Variants in ACSF3 observed in about 807,000 individuals in gnomAD.
The protein encoded by ACSF3 is acyl-CoA synthetase family member 3, also known as malonate--CoA ligase ACSF3, mitochondrial.
In ACSF3, 78 loss-of-function variants were observed where a neutral mutation model predicts 53.2. The ratio of observed to expected loss-of-function variants is 1.47; its 90% CI spans 1.22 to 1.77. The LOEUF is 1.77. Ranked by LOEUF, ACSF3 falls within the 40% of genes most tolerant of loss-of-function variation. ACSF3 has a pLI of 0.00. For synonymous variants in ACSF3, 414 were observed against 333.1 expected (o/e 1.24, Z -2.65); for missense variants, 937 against 771.1 (o/e 1.22, Z -2.55).
intron 6 of ACSF3, chr16:89,115,133 A>G (rs528987991): frequency 5.4e-6 from 1 of 186,514 alleles, no homozygotes; most frequent in South Asian, 9.9e-5. Context: ...CAGTCTGTCT[A>G]GAGTAGAAGA....
At chr16:89,118,710 G>A (rs1293558421) in intron 6 of ACSF3, among the ~76,000 whole-genome samples, 1 of 152,206 alleles carries the variant, frequency 6.6e-6, no homozygotes, top group East Asian at 1.9e-4. Context: ...GCTCAGAGGT[G>A]CTCACGGCTC....
At chr16:89,102,523 T>C in intron 3 of ACSF3, 81 bp from the exon 4 acceptor site, 1 of 1,554,540 alleles carries the variant, frequency 6.4e-7, no homozygotes, top group South Asian at 1.1e-5. Flanking sequence ...CAGAGCTCCT[T>C]TCCGTGAGCC....
intron 8 of ACSF3, among the ~76,000 whole-genome samples, chr16:89,135,360 A>G (rs185069908): frequency 6.6e-6 from 1 of 152,168 alleles, no homozygotes; most frequent in Admixed American, 6.5e-5. Context: ...GCCCTGGAGC[A>G]TGTGCTGCTG....
At chr16:89,132,994 A>G in intron 7 of ACSF3, 142 bp from the exon 8 acceptor site, 3 of 1,263,626 alleles carry the variant, frequency 2.4e-6, no homozygotes, top group South Asian at 2.4e-5. Context: ...TTTTCCAAGC[A>G]TTCCAACAAA....
chr16:89,138,966 C>T (rs1242429733), intron 8 of ACSF3, among the ~76,000 whole-genome samples: 1 of 152,134 alleles, frequency 6.6e-6, no homozygotes, highest in Admixed American at 6.5e-5. Flanking sequence ...TCCCCAGACT[C>T]GCCGGCTGCT....
At chr16:89,122,848 CCG>C (rs1906989283) in intron 7 of ACSF3, 1 of 152,318 alleles carries the variant, frequency 6.6e-6, no homozygotes, top group Non-Finnish European at 1.5e-5. Flanking sequence ...GCATTGGCTG[CCG>C]CGCCACCTGA....
At position 89,101,183 on chromosome 16, in the gene ACSF3, C is replaced by T. The variant is rs1403364770; in HGVS notation, c.502C>T (p.Leu168=). 3.1e-6 allele frequency: 5 copies of T among 1,605,734 alleles called. No homozygotes were observed. Among genetic ancestry groups the T allele is most frequent in the Non-Finnish European group, 4.2e-6 (5 of 1,176,482 alleles). Residue 168 remains leucine, a synonymous_variant, in exon 3 of 11, where the codon CTG becomes TTG. Coordinates refer to ENST00000614302, the MANE Select transcript of ACSF3 (RefSeq NM_001243279.3). ...PVVRKLGVPL[L]PLTPAIYTGA... ...GGTCAGGAAGCTGGGGGTCCCGCTG[C>T]TGCCGCTCACACCAGCCATCTACAC... is the stretch of plus-strand genomic sequence containing the variant.
In ACSF3 at chr16:89,155,519, C is replaced by G. The variant is rs1388954408; in HGVS notation, c.*1312C>G. 2.2e-6 allele frequency: 1 copy of G among 454,022 alleles called. No homozygotes were observed. The highest frequency in any genetic ancestry group is 2.0e-5 in the African/African-American group (1 of 50,014). 28.1% of individuals were successfully genotyped at this position (454,022 alleles called of 1,614,324 possible). ...TTCCAGGACTGGTGGGTGCCCCAGT[C>G]CACGGCCCTGCCCCACCCGAACTCC... On this transcript the variant is annotated 3_prime_UTR_variant, in exon 11 of 11. Transcript: ENST00000614302.
intron 2 of ACSF3, among the ~76,000 whole-genome samples, chr16:89,099,167 G>C (rs7499425): frequency 0.72 from 109,101 of 152,244 alleles, 39,775 homozygotes; most frequent in Non-Finnish European, 0.78. Context: ...TGCGGGGGCT[G>C]TGCCCCTGGC....
In ACSF3 at chr16:89,100,939, C is replaced by T. The variant is rs560101290; in HGVS notation, c.258C>T (p.Cys86=). The T allele has an allele frequency of 6.4e-5, 103 of 1,613,764 alleles. No individual in the cohort carries two copies. The highest frequency in any genetic ancestry group is 1.1e-4 in the South Asian group (10 of 91,090). ...TGTCCCAGGAGATCTGCAGGCTCTG[C>T]GGGTGTGTCGGCGGGGACCTCCGGG... ...LRLSQEICRL[C]GCVGGDLREE... Residue 86 remains cysteine, a synonymous_variant, in exon 3 of 11, where the codon TGC becomes TGT. Coordinates refer to ENST00000614302, the MANE Select transcript of ACSF3 (RefSeq NM_001243279.3).
chr16:89,132,354 C>T (rs78579751), intron 7 of ACSF3, among the ~76,000 whole-genome samples: 6,877 of 152,326 alleles, frequency 0.045, 560 homozygotes, highest in East Asian at 0.34. Flanking sequence ...TCCCCAGACC[C>T]TCCTGACCTA....
chr16:89,118,113 G>C (rs1032032395), intron 6 of ACSF3, among the ~76,000 whole-genome samples: 1 of 147,362 alleles, frequency 6.8e-6, no homozygotes, highest in Non-Finnish European at 1.5e-5. Context: ...AGAGCCCACG[G>C]CAGATTCCCT....
In ACSF3 at chr16:89,102,623, A is replaced by G. The variant is rs1032476142; in HGVS notation, c.686A>G (p.Lys229Arg). ...IRAVVTGLVH[K>R]WAWTKDDVIL... ...CTGCAGGTGACCGGGCTGGTCCACA[A>G]GTGGGCATGGACCAAAGACGACGTG... The change falls in exon 4 of 11, where the codon AAG becomes AGG. Residue 229 changes from lysine (K) to arginine (R), a missense_variant. Lys to Arg is a conservative substitution (Grantham distance 26, BLOSUM62 2). Transcript: ENST00000614302. 2.5e-6 allele frequency: 4 copies of G among 1,613,700 alleles called. No homozygotes were observed. Among genetic ancestry groups the G allele is most frequent in the Admixed American group, 1.7e-5 (1 of 59,992 alleles).
In ACSF3 at chr16:89,138,569, C is replaced by A. The variant is rs545024271; in HGVS notation, c.1366+5307C>A. Among the ~76,000 whole-genome samples the A allele has an allele frequency of 5.9e-5, 9 of 152,344 alleles. No homozygotes were observed. In the East Asian group the frequency reaches 9.7e-4, roughly 16 times the overall value. On this transcript the variant is annotated intron_variant, in intron 8 of 10. Transcript: ENST00000614302. ...CAGCCCCTTTCATCCGGCAGAGGGA[C>A]CTCGCTGGGCCTGCCACGCTCAGCC...
chr16:89,110,180 A>C (rs892073352), intron 4 of ACSF3, among the ~76,000 whole-genome samples: 1 of 152,254 alleles, frequency 6.6e-6, no homozygotes, highest in African/African-American at 2.4e-5. Flanking sequence ...TAAACTTTAT[A>C]GATTGTGCTT....
intron 9 of ACSF3, 76 bp from the exon 10 acceptor site, chr16:89,145,862 G>C: frequency 7.9e-7 from 1 of 1,273,598 alleles, no homozygotes; most frequent in Non-Finnish European, 1.1e-6. Flanking sequence ...CGCTCTTCCT[G>C]TGTGTCCAGG....
intron 4 of ACSF3, among the ~76,000 whole-genome samples, chr16:89,109,946 C>G (rs1175846016): frequency 2.0e-5 from 3 of 152,128 alleles, no homozygotes; most frequent in Non-Finnish European, 1.5e-5. Context: ...CTAATGAAAT[C>G]TTTGGCCATT....
chr16:89,141,718 T>C (rs2151550517), intron 8 of ACSF3, among the ~76,000 whole-genome samples: 1 of 152,280 alleles, frequency 6.6e-6, no homozygotes, highest in East Asian at 1.9e-4. Context: ...ATTCTGACAC[T>C]GGAGTGGGGA....
intron 3 of ACSF3, 49 bp from the exon 4 acceptor site, chr16:89,102,555 C>T (rs368638619): frequency 6.5e-5 from 104 of 1,607,932 alleles, no homozygotes; most frequent in Non-Finnish European, 8.0e-5. Flanking sequence ...TGTGCTGTTG[C>T]GGGCCACAGT....
Sources: gnomAD v4.1 joint callset for allele counts (sites outside exome capture counted in the v4.1 genomes callset) on GRCh38, gnomAD v4.1.1 for gene constraint, MANE v1.5 for transcripts, NCBI Gene and HGNC (gene_info 2026-07-23, HGNC 2026-07-21) for gene names.